Variants in HECW1 observed in about 807,000 individuals in gnomAD.
HECW1 encodes the protein HECT, C2 and WW domain containing E3 ubiquitin protein ligase 1.
A neutral mutation model predicts 182.3 loss-of-function variants in HECW1; 61 were observed. The observed-to-expected ratio is 0.33, with a 90% CI of 0.27 to 0.41. HECW1 has a LOEUF of 0.41. Ranked by LOEUF, HECW1 falls within the 10% of genes least tolerant of loss-of-function variation. The pLI is 1.00. For missense variants in HECW1, 1,739 were observed against 2,108.9 expected (o/e 0.82, Z 3.44); for synonymous variants, 859 against 832.6 (o/e 1.03, Z -0.55).
chr7:43,380,127 A>G (rs1009066440), intron 6 of HECW1, among the ~76,000 whole-genome samples: 13 of 152,242 alleles, frequency 8.5e-5, no homozygotes, highest in Middle Eastern at 3.2e-3. Flanking sequence ...TATCAGGTTC[A>G]CTGCAACTTT....
intron 5 of HECW1, among the ~76,000 whole-genome samples, chr7:43,358,713 A>G (rs981357469): frequency 5.3e-5 from 8 of 152,208 alleles, no homozygotes; most frequent in African/African-American, 1.7e-4. Flanking sequence ...CTCAGTGCTA[A>G]CAAGCGTTCT....
At chr7:43,146,330 A>G (rs1434231736) in intron 2 of HECW1, among the ~76,000 whole-genome samples, 1 of 151,600 alleles carries the variant, frequency 6.6e-6, no homozygotes, top group Non-Finnish European at 1.5e-5. Context: ...CACCCACCCT[A>G]CCCTCTCCAG....
chr7:43,373,955 C>T (rs139830449), intron 6 of HECW1, among the ~76,000 whole-genome samples: 4 of 152,218 alleles, frequency 2.6e-5, no homozygotes, highest in African/African-American at 7.2e-5. Flanking sequence ...ACCATGTTGC[C>T]GCGTGTGCCA....
intron 6 of HECW1, among the ~76,000 whole-genome samples, chr7:43,382,935 C>A (rs1002928817): frequency 1.3e-5 from 2 of 152,136 alleles, no homozygotes; most frequent in African/African-American, 4.8e-5. Context: ...TCCCCTTGTC[C>A]CCCACCACCC....
chr7:43,200,917 A>G (rs1794968604), intron 2 of HECW1, among the ~76,000 whole-genome samples: 1 of 152,244 alleles, frequency 6.6e-6, no homozygotes, highest in Non-Finnish European at 1.5e-5. Context: ...GCTCGATGGA[A>G]GGAAGCTTCA....
chr7:43,271,042 TA>T (rs1478517238), intron 3 of HECW1, among the ~76,000 whole-genome samples: 5 of 152,216 alleles, frequency 3.3e-5, no homozygotes, highest in Non-Finnish European at 7.3e-5. Flanking sequence ...CAAATTAATA[TA>T]CAGGTTTAAT....
intron 2 of HECW1, among the ~76,000 whole-genome samples, chr7:43,120,156 T>C (rs1562762172): frequency 6.6e-6 from 1 of 152,150 alleles, no homozygotes; most frequent in Non-Finnish European, 1.5e-5. Flanking sequence ...CCAAACTCCT[T>C]ACTTTGCCTA....
chr7:43,481,056 T>C (rs971108645), intron 17 of HECW1, among the ~76,000 whole-genome samples: 2 of 152,216 alleles, frequency 1.3e-5, no homozygotes, highest in Non-Finnish European at 2.9e-5. Flanking sequence ...GAAAGCATGC[T>C]AAATCTTTCT....
intron 7 of HECW1, among the ~76,000 whole-genome samples, chr7:43,401,569 T>TTTTTG (rs2075410538): frequency 2.9e-5 from 3 of 103,856 alleles, no homozygotes; most frequent in Admixed American, 2.8e-4. Context: ...TTAAAAAGGT[T>TTTTTG]TTTTTTTTTT....
intron 26 of HECW1, among the ~76,000 whole-genome samples, chr7:43,548,805 G>A (rs1298620905): frequency 2.0e-5 from 3 of 152,142 alleles, no homozygotes; most frequent in African/African-American, 7.2e-5. Context: ...TTAGTCAGGT[G>A]TGGTGGCATG....
intron 3 of HECW1, among the ~76,000 whole-genome samples, chr7:43,287,187 G>A (rs10257024): frequency 6.6e-6 from 1 of 152,184 alleles, no homozygotes; most frequent in Non-Finnish European, 1.5e-5. Context: ...ATAATACAGG[G>A]AATAGGGAAA....
intron 17 of HECW1, among the ~76,000 whole-genome samples, chr7:43,488,488 G>GAAAGAAAGAAAGAAAGAAAGAA (rs767310220): frequency 8.9e-6 from 1 of 112,616 alleles, no homozygotes; most frequent in Non-Finnish European, 1.9e-5. Flanking sequence ...AAGAAAGAAA[G>GAAAGAAAGAAAGAAAGAAAGAA]AGAAAGAAAG....
chr7:43,274,597 C>T (rs899339430), intron 3 of HECW1: 51 of 434,740 alleles, frequency 1.2e-4, no homozygotes, highest in Non-Finnish European at 5.3e-5. Flanking sequence ...AGGTTCCTCG[C>T]CCCGGGTGTG....
At chr7:43,139,433 A>G (rs914652287) in intron 2 of HECW1, among the ~76,000 whole-genome samples, 6 of 152,228 alleles carry the variant, frequency 3.9e-5, no homozygotes, top group African/African-American at 1.4e-4. Flanking sequence ...GCAACATGCA[A>G]CTATTCCTTT....
At chr7:43,155,466 A>G (rs1437274099) in intron 2 of HECW1, among the ~76,000 whole-genome samples, 1 of 152,250 alleles carries the variant, frequency 6.6e-6, no homozygotes, top group Non-Finnish European at 1.5e-5. Flanking sequence ...CAAGTAAACA[A>G]AGGAAAACAA....
chr7:43,407,760 C>T, intron 8 of HECW1, 29 bp downstream of exon 8: 7 of 1,584,494 alleles, frequency 4.4e-6, no homozygotes, highest in Non-Finnish European at 6.0e-6. Flanking sequence ...GAAAAAAAGC[C>T]CAAGTAAAAG....
chr7:43,477,934 A>G (rs1386427567), intron 16 of HECW1, among the ~76,000 whole-genome samples: 1 of 152,220 alleles, frequency 6.6e-6, no homozygotes, highest in Non-Finnish European at 1.5e-5. Context: ...TAAAGCTGAT[A>G]TGACTTCACC....
Position 43,350,053 on chromosome 7 carries a change from G to T in HECW1, c.461-10833G>T, listed in dbSNP as rs543387342. ...CCTTTTAGCAGTTCTTGTAGTGGTGGTTTGGTAATGGCAAATTCTCTCAGC... is the reference window on the plus strand; with the variant it reads ...CCTTTTAGCAGTTCTTGTAGTGGTGTTTTGGTAATGGCAAATTCTCTCAGC... On this transcript the variant is annotated intron_variant, in intron 5 of 29. Transcript: ENST00000395891. Among the ~76,000 whole-genome samples, 4 of 152,272 alleles carry T rather than the reference G, an allele frequency of 2.6e-5. No individual in the cohort carries two copies. The East Asian group carries it at 7.7e-4, about 29-fold the overall frequency.
chr7:43,407,744 G>C lies in HECW1; in HGVS notation c.801+13G>C. 6.3e-7 allele frequency: 1 copy of C among 1,590,742 alleles called. No individual in the cohort carries two copies. The highest frequency in any genetic ancestry group is 8.6e-7 in the Non-Finnish European group (1 of 1,167,186). Reference sequence around the variant, plus strand: ...CTGGCAGGCCGAGGTGAGTGCTGTGGGCCCTGAAAAAAAGCCCAAGTAAAA... The same window carrying C: ...CTGGCAGGCCGAGGTGAGTGCTGTGCGCCCTGAAAAAAAGCCCAAGTAAAA... On this transcript the variant is annotated intron_variant, in intron 8 of 29. Transcript: ENST00000395891.
Sources: gnomAD v4.1 joint callset for allele counts (sites outside exome capture counted in the v4.1 genomes callset) on GRCh38, gnomAD v4.1.1 for gene constraint, MANE v1.5 for transcripts, NCBI Gene and HGNC (gene_info 2026-07-23, HGNC 2026-07-21) for gene names.